CCDC9: variants seen among roughly 807,000 people sequenced by gnomAD.
CCDC9 encodes the protein coiled-coil domain-containing protein 9.
In CCDC9, 52 loss-of-function variants were observed where a neutral mutation model predicts 65.6. The ratio of observed to expected loss-of-function variants is 0.79; its 90% CI spans 0.63 to 1.00. The LOEUF (loss-of-function observed/expected upper bound fraction) is 1.00. Ranked by LOEUF, CCDC9 falls within the 50% of genes least tolerant of loss-of-function variation. The pLI, the probability that CCDC9 is intolerant of heterozygous loss-of-function variation, is 0.00. For missense variants in CCDC9, 834 were observed against 757.2 expected (o/e 1.10, Z -1.19); for synonymous variants, 332 against 280.3 (o/e 1.18, Z -1.84).
At chr19:47,259,470 A>T (rs984691252) in intron 3 of CCDC9, among the ~76,000 whole-genome samples, 17 of 151,932 alleles carry the variant, frequency 1.1e-4, no homozygotes, top group African/African-American at 4.1e-4. Flanking sequence ...GTGGGAGAGG[A>T]GGTACCTGGC....
In CCDC9 at chr19:47,266,709, G is replaced by A; in HGVS notation, c.819G>A (p.Lys273=). 6.2e-7 allele frequency: 1 copy of A among 1,611,760 alleles called. No individual in the cohort carries two copies. Among genetic ancestry groups the A allele is most frequent in the East Asian group, 2.2e-5 (1 of 44,778 alleles). ...EYLRWKQERE[K]IDQERLQRHR... is the part of the protein sequence containing the mutation. ...TGCGCTGGAAGCAGGAGAGGGAGAA[G>A]ATCGACCAGGAGCGGCTGCAGAGGC... Residue 273 remains lysine, a synonymous_variant, in exon 8 of 12, where the codon AAG becomes AAA. Coordinates refer to ENST00000221922, the MANE Select transcript of CCDC9 (RefSeq NM_015603.3).
chr19:47,264,730 G>T (rs1412330911), intron 6 of CCDC9, 43 bp from the exon 7 acceptor site: 1 of 1,602,486 alleles, frequency 6.2e-7, no homozygotes, highest in East Asian at 2.3e-5. Flanking sequence ...AGCTGCCTGG[G>T]CTGCGGGGAG....
chr19:47,270,276 A>G (rs947117988), intron 8 of CCDC9, 131 bp from the exon 9 acceptor site: 1 of 845,368 alleles, frequency 1.2e-6, no homozygotes, highest in Non-Finnish European at 1.9e-6. Context: ...GCCCTGTCCT[A>G]CTTCTAGTGT....
chr19:47,270,792 CTT>C (rs2059111846), intron 10 of CCDC9, 104 bp downstream of exon 10: 2 of 1,320,068 alleles, frequency 1.5e-6, no homozygotes, highest in East Asian at 2.5e-5. Context: ...CTGTCCCTGT[CTT>C]TGTCTTGGCC....
downstream of CCDC9, chr19:47,273,877 T>G (rs2059139830): frequency 2.8e-6 from 2 of 707,020 alleles, no homozygotes; most frequent in South Asian, 6.4e-5. Context: ...TGGGTCGCTG[T>G]GCTTGGCGGG....
chr19:47,272,296 T>C (rs532926443), downstream of CCDC9: 16 of 524,210 alleles, frequency 3.1e-5, no homozygotes, highest in East Asian at 6.0e-4. Flanking sequence ...GTGAAAAGGG[T>C]GAGCTCGGAT....
Position 47,271,105 on chromosome 19 carries a change from CAAAA to C in CCDC9, c.1110_1113del (p.Glu372GlyfsTer55). 1 of 1,561,902 alleles carries C rather than the reference CAAAA, an allele frequency of 6.4e-7. No individual in the cohort carries two copies. The highest frequency in any genetic ancestry group is 8.7e-7 in the Non-Finnish European group (1 of 1,154,832). On this transcript the variant is annotated frameshift_variant, in exon 11 of 12. Coordinates refer to ENST00000221922, the MANE Select transcript of CCDC9 (RefSeq NM_015603.3). LOFTEE classifies it high-confidence loss of function. ...AGTGACCATGATGACCGCTGGGAGA[CAAAA>C]GAAGGGGCAGCATCCCCAGCCCCTG...
intron 5 of CCDC9, 91 bp downstream of exon 5, chr19:47,260,930 G>A (rs891625416): frequency 4.2e-6 from 6 of 1,432,924 alleles, no homozygotes; most frequent in Admixed American, 2.2e-5. Flanking sequence ...TTTGTCCTGT[G>A]TGTCCATCTT....
rs2059059722 is a variant in CCDC9, at chr19:47,263,572, T to C, written c.463-1031T>C. ...GTATTTATTTAGTTTTTAAAATTTC[T>C]TTTTGTTTTTGAGATGGAGTTTCAC... On this transcript the variant is annotated intron_variant, in intron 5 of 11. Coordinates refer to ENST00000221922, the MANE Select transcript of CCDC9 (RefSeq NM_015603.3). Among the ~76,000 whole-genome samples, 4 of 152,202 alleles carry C rather than the reference T, an allele frequency of 2.6e-5. No homozygotes were observed. In the South Asian group the frequency reaches 8.3e-4, roughly 32 times the overall value.
downstream of CCDC9, among the ~76,000 whole-genome samples, chr19:47,273,092 C>CT (rs1491564140): frequency 1.4e-5 from 2 of 146,678 alleles, no homozygotes; most frequent in African/African-American, 5.5e-5. Flanking sequence ...CCCAGACCCT[C>CT]TGTCTTGGGC....
chr19:47,273,849 T>G, downstream of CCDC9: 1 of 411,542 alleles, frequency 2.4e-6, no homozygotes, highest in Non-Finnish European at 3.3e-6. Flanking sequence ...TTGAACTGTG[T>G]TTCTGGAGGG....
At position 47,271,600 on chromosome 19, in the gene CCDC9, G is replaced by C. The variant is rs763132115; in HGVS notation, c.1518G>C (p.Val506=). ...CTGTGTCCGATTGGGGTGAAGAGGT[G>C]GAGCTGAATTCTCCCCGGACCACTC... ...HQPVSDWGEE[V]ELNSPRTTHL... The change falls in exon 12 of 12, where the codon GTG becomes GTC. Residue 506 remains valine, a synonymous_variant. Coordinates refer to ENST00000221922, the MANE Select transcript of CCDC9 (RefSeq NM_015603.3). 1.4e-5 allele frequency: 22 copies of C among 1,612,516 alleles called. No individual in the cohort carries two copies. Among genetic ancestry groups the C allele is most frequent in the Non-Finnish European group, 4.2e-6 (5 of 1,179,602 alleles).
At chr19:47,263,469 A>G (rs555387177) in intron 5 of CCDC9, among the ~76,000 whole-genome samples, 1 of 152,314 alleles carries the variant, frequency 6.6e-6, no homozygotes, top group Admixed American at 6.5e-5. Flanking sequence ...TTGTGACAAC[A>G]TGTGGCTTAC....
At position 47,271,600 on chromosome 19, in the gene CCDC9, G is replaced by A. The variant is rs763132115; in HGVS notation, c.1518G>A (p.Val506=). The change falls in exon 12 of 12, where the codon GTG becomes GTA. Residue 506 remains valine (V), a synonymous_variant. Coordinates refer to ENST00000221922, the MANE Select transcript of CCDC9 (RefSeq NM_015603.3). The part of the protein sequence containing the change: ...HQPVSDWGEE[V]ELNSPRTTHL... ...CTGTGTCCGATTGGGGTGAAGAGGT[G>A]GAGCTGAATTCTCCCCGGACCACTC... 6.2e-7 allele frequency: 1 copy of A among 1,612,634 alleles called. No homozygotes were observed. The highest frequency in any genetic ancestry group is 2.2e-5 in the East Asian group (1 of 44,852).
chr19:47,264,838 C>G lies in CCDC9; in HGVS notation c.612C>G (p.Pro204=), dbSNP rs965800630. The change falls in exon 7 of 12, where the codon CCC becomes CCG. Residue 204 remains proline, a synonymous_variant. Coordinates refer to ENST00000221922, the MANE Select transcript of CCDC9 (RefSeq NM_015603.3). ...FLDDPRRRSG[P]LEESERDRRE... ...ACGACCCCCGGCGACGCAGCGGGCC[C>G]CTGGAGGAGTCTGAGCGGGACCGCC... 1 of 1,547,966 alleles carries G rather than the reference C, an allele frequency of 6.5e-7. No homozygotes were observed. Among genetic ancestry groups the G allele is most frequent in the African/African-American group, 1.4e-5 (1 of 73,432 alleles).
chr19:47,272,904 C>T (rs2123490215), downstream of CCDC9, among the ~76,000 whole-genome samples: 1 of 152,266 alleles, frequency 6.6e-6, no homozygotes, highest in African/African-American at 2.4e-5. Flanking sequence ...TCCCCTTCCC[C>T]CAGAGTGGGA....
At chr19:47,267,850 T>G (rs1274017733) in intron 8 of CCDC9, among the ~76,000 whole-genome samples, 1 of 152,060 alleles carries the variant, frequency 6.6e-6, no homozygotes, top group Non-Finnish European at 1.5e-5. Context: ...CACCTTTTTT[T>G]TTTTACTTTT....
intron 5 of CCDC9, among the ~76,000 whole-genome samples, chr19:47,263,358 G>A (rs1391485074): frequency 2.0e-5 from 3 of 152,018 alleles, no homozygotes; most frequent in African/African-American, 7.2e-5. Flanking sequence ...AGCAGGGGGC[G>A]GGGTACCTGG....
chr19:47,273,743 T>G, downstream of CCDC9: 1 of 341,894 alleles, frequency 2.9e-6, no homozygotes, highest in Non-Finnish European at 5.2e-6. Context: ...GCCTCCAGGA[T>G]TGCATCCGAG....
Sources: allele counts gnomAD v4.1 joint callset (sites outside exome capture counted in the v4.1 genomes callset), GRCh38; gene constraint gnomAD v4.1.1; transcripts MANE v1.5; gene names NCBI Gene and HGNC (gene_info 2026-07-23, HGNC 2026-07-21).